Variants in PCDH9 observed in about 807,000 individuals in gnomAD.
The protein encoded by PCDH9 is protocadherin 9, also known as protocadherin-9.
PCDH9 carries 24 observed loss-of-function variants against 70.6 expected under a neutral mutation model. The observed-to-expected ratio is 0.34, with a 90% CI of 0.25 to 0.48. The LOEUF (loss-of-function observed/expected upper bound fraction) is 0.48. Among genes scored for constraint, PCDH9 ranks in the 20% least tolerant of loss-of-function variants. The pLI is 0.99. For missense variants in PCDH9, 1,281 were observed against 1,503.6 expected (o/e 0.85, Z 2.45); for synonymous variants, 562 against 558.5 (o/e 1.01, Z -0.09).
intron 2 of PCDH9, chr13:67,212,255 A>T (rs2089483420): frequency 6.6e-6 from 1 of 152,104 alleles, no homozygotes; most frequent in Admixed American, 6.5e-5. Context: ...TGAAAGATCA[A>T]GTCTCCAGCA....
At chr13:66,949,022 C>A (rs971741895) in intron 2 of PCDH9, among the ~76,000 whole-genome samples, 2 of 151,212 alleles carry the variant, frequency 1.3e-5, no homozygotes, top group African/African-American at 4.9e-5. Context: ...AAAAAAACTT[C>A]TCTTAATCTT....
At chr13:67,107,745 TGAAACAG>T (rs2138259304) in intron 2 of PCDH9, among the ~76,000 whole-genome samples, 1 of 152,322 alleles carries the variant, frequency 6.6e-6, no homozygotes, top group Non-Finnish European at 1.5e-5. Context: ...ATGGCAGGAC[TGAAACAG>T]CTGTAATACA....
intron 4 of PCDH9, among the ~76,000 whole-genome samples, chr13:66,553,516 C>A (rs1961589496): frequency 6.6e-6 from 1 of 151,938 alleles, no homozygotes; most frequent in African/African-American, 2.4e-5. Flanking sequence ...GCACAAATGC[C>A]CAAAAACAGA....
At chr13:66,861,797 T>C (rs2081489027) in intron 3 of PCDH9, among the ~76,000 whole-genome samples, 1 of 152,102 alleles carries the variant, frequency 6.6e-6, no homozygotes, top group Non-Finnish European at 1.5e-5. Context: ...TTCAGAGAAA[T>C]GAAATAGTGC....
chr13:66,801,780 G>A (rs894831239), intron 3 of PCDH9, among the ~76,000 whole-genome samples: 13 of 151,948 alleles, frequency 8.6e-5, no homozygotes, highest in African/African-American at 3.1e-4. Flanking sequence ...ATATTATTAA[G>A]CAAGTGGAGA....
chr13:66,590,666 G>C (rs566306311), intron 4 of PCDH9, among the ~76,000 whole-genome samples: 18 of 151,880 alleles, frequency 1.2e-4, no homozygotes, highest in South Asian at 6.2e-4. Flanking sequence ...GTTTGCTTTT[G>C]ATATTTATTG....
At chr13:66,687,347 C>G (rs1444073099) in intron 3 of PCDH9, among the ~76,000 whole-genome samples, 1 of 152,050 alleles carries the variant, frequency 6.6e-6, no homozygotes, top group East Asian at 1.9e-4. Flanking sequence ...TGGCTCATTA[C>G]TTTTTCTATT....
chr13:66,517,966 C>T (rs965852049), intron 4 of PCDH9, among the ~76,000 whole-genome samples: 4 of 152,054 alleles, frequency 2.6e-5, no homozygotes, highest in African/African-American at 4.8e-5. Context: ...ATGTTCTATC[C>T]ATCCCGTGTT....
At chr13:66,351,841 T>C (rs1174821838) in intron 4 of PCDH9, among the ~76,000 whole-genome samples, 2 of 119,590 alleles carry the variant, frequency 1.7e-5, no homozygotes, top group Non-Finnish European at 3.7e-5. Context: ...TCTTTTCTTT[T>C]CTTTTCTTTT....
chr13:67,041,511 C>T (rs539819188), intron 2 of PCDH9, among the ~76,000 whole-genome samples: 1 of 152,198 alleles, frequency 6.6e-6, no homozygotes, highest in Admixed American at 6.5e-5. Flanking sequence ...TGCTATAGTT[C>T]ATCTATGAAA....
intron 4 of PCDH9, among the ~76,000 whole-genome samples, chr13:66,331,019 A>G (rs1482961136): frequency 6.6e-6 from 1 of 152,176 alleles, no homozygotes; most frequent in Non-Finnish European, 1.5e-5. Flanking sequence ...AGAGAAAATT[A>G]TAGTTCGAAG....
intron 3 of PCDH9, among the ~76,000 whole-genome samples, chr13:66,669,175 T>G (rs1315859897): frequency 6.6e-6 from 1 of 152,186 alleles, no homozygotes; most frequent in Non-Finnish European, 1.5e-5. Context: ...GAGATAAAAT[T>G]TAGTTCCTAA....
At chr13:66,583,053 T>A (rs2076914312) in intron 4 of PCDH9, among the ~76,000 whole-genome samples, 1 of 151,312 alleles carries the variant, frequency 6.6e-6, no homozygotes, top group African/African-American at 2.4e-5. Context: ...CTCTGCTAAA[T>A]AAGATCCACA....
At chr13:67,089,536 A>T (rs1249834790) in intron 2 of PCDH9, among the ~76,000 whole-genome samples, 1 of 152,014 alleles carries the variant, frequency 6.6e-6, no homozygotes, top group Non-Finnish European at 1.5e-5. Flanking sequence ...AAAGATAAAC[A>T]TATTTGGACT....
At chr13:66,913,632 G>T (rs1043698906) in intron 2 of PCDH9, among the ~76,000 whole-genome samples, 4 of 151,936 alleles carry the variant, frequency 2.6e-5, no homozygotes, top group Non-Finnish European at 5.9e-5. Flanking sequence ...AGTCGAAAAT[G>T]TAAGATATTA....
At chr13:67,114,913 T>G (rs2086729051) in intron 2 of PCDH9, among the ~76,000 whole-genome samples, 1 of 152,256 alleles carries the variant, frequency 6.6e-6, no homozygotes, top group Non-Finnish European at 1.5e-5. Context: ...TTTTATGTGA[T>G]AAAATTGTGA....
chr13:66,810,457 T>A (rs147379683), intron 3 of PCDH9, among the ~76,000 whole-genome samples: 282 of 152,142 alleles, frequency 1.9e-3, no homozygotes, highest in African/African-American at 6.3e-3. Flanking sequence ...AGTTTCCTCA[T>A]CTATTGAAAA....
At chr13:66,973,787 T>TA (rs765392890) in intron 2 of PCDH9, among the ~76,000 whole-genome samples, 1 of 152,020 alleles carries the variant, frequency 6.6e-6, no homozygotes, top group Non-Finnish European at 1.5e-5. Context: ...TGTTAGTTTT[T>TA]AAAAGGTATA....
chr13:67,217,855 C>T (rs1265986258), intron 2 of PCDH9: 4 of 151,984 alleles, frequency 2.6e-5, no homozygotes, highest in African/African-American at 4.8e-5. Context: ...AGAGATACCA[C>T]AAGGAAGTAC....
Sources: gnomAD v4.1 joint callset for allele counts (sites outside exome capture counted in the v4.1 genomes callset) on GRCh38, gnomAD v4.1.1 for gene constraint, MANE v1.5 for transcripts, NCBI Gene and HGNC (gene_info 2026-07-23, HGNC 2026-07-21) for gene names.